The following JDP2 variants were observed in gnomAD, a reference collection of about 807,000 sequenced individuals.
The protein encoded by JDP2 is progesterone receptor co-activator.
A neutral mutation model predicts 17.1 loss-of-function variants in JDP2; 9 were observed. That is an observed-to-expected ratio of 0.53 (90% CI 0.32 to 0.92). JDP2 has a LOEUF of 0.92. Ranked by LOEUF, JDP2 falls within the 40% of genes least tolerant of loss-of-function variation. JDP2 has a pLI of 0.04. For missense variants in JDP2, 179 were observed against 220.0 expected (o/e 0.81, Z 1.18); for synonymous variants, 107 against 95.6 (o/e 1.12, Z -0.69).
intron 3 of JDP2, among the ~76,000 whole-genome samples, chr14:75,466,478 G>A (rs1233616531): frequency 6.6e-6 from 1 of 152,186 alleles, no homozygotes; most frequent in East Asian, 1.9e-4. Flanking sequence ...CTGACAGCCA[G>A]ACAGTCAGAA....
chr14:75,471,918 G>T lies in JDP2; in HGVS notation c.*2443G>T. On this transcript the variant is annotated 3_prime_UTR_variant, in exon 4 of 4. Transcript: ENST00000651602. Reference sequence around the variant, plus strand: ...ACCAGGGTCCCTCCAGTGACCTAGTGGATGTTCTTACAGGACTGCCGTGTG... The same window carrying T: ...ACCAGGGTCCCTCCAGTGACCTAGTTGATGTTCTTACAGGACTGCCGTGTG... 1 of 152,388 alleles carries T rather than the reference G, an allele frequency of 6.6e-6. No individual in the cohort carries two copies. 9.4% of individuals were successfully genotyped at this position (152,388 alleles called of 1,614,324 possible). A position where few individuals can be genotyped will look rare whatever the true frequency, so the allele number is the denominator to read the frequency against.
chr14:75,445,654 A>C (rs1451139355), intron 2 of JDP2: 1 of 897,524 alleles, frequency 1.1e-6, no homozygotes, highest in Non-Finnish European at 1.3e-6. Context: ...AGTACCATAT[A>C]CATATATTAT....
At chr14:75,458,490 G>C (rs1367160698) in intron 2 of JDP2, among the ~76,000 whole-genome samples, 1 of 152,124 alleles carries the variant, frequency 6.6e-6, no homozygotes, top group African/African-American at 2.4e-5. Context: ...TTCCCGCAAA[G>C]GACATGATCC....
rs537652139 is a variant in JDP2 at position 75,444,245 on chromosome 14, C to T, written c.201+6124C>T. Among the ~76,000 whole-genome samples, 9 of 152,348 alleles carry T rather than the reference C, an allele frequency of 5.9e-5. No homozygotes were observed. The South Asian group carries it at 1.9e-3, about 32-fold the overall frequency. ...AATGAACTAATGCTGCTAAAGGTTTCACATGATGCCTGGCACTTAGTAAGA... is the reference window on the plus strand; with the variant it reads ...AATGAACTAATGCTGCTAAAGGTTTTACATGATGCCTGGCACTTAGTAAGA... On this transcript the variant is annotated intron_variant, in intron 2 of 3. Transcript: ENST00000651602.
At chr14:75,462,331 A>G (rs1886378393) in intron 3 of JDP2, among the ~76,000 whole-genome samples, 1 of 152,186 alleles carries the variant, frequency 6.6e-6, no homozygotes, top group Non-Finnish European at 1.5e-5. Context: ...AATAATAATA[A>G]CGATAATGTA....
Position 75,458,132 on chromosome 14 carries a change from C to T in JDP2, c.202-3294C>T, listed in dbSNP as rs143547857. ...TGGTAGGATGCGATGGAGACTCCTA[C>T]AGTGCTGTAGCAGCACCAAAAAAGC... On this transcript the variant is annotated intron_variant, in intron 2 of 3. Coordinates refer to ENST00000651602, the MANE Select transcript of JDP2 (RefSeq NM_001135048.2). Among the ~76,000 whole-genome samples the T allele has an allele frequency of 4.5e-4, 68 of 152,300 alleles. No homozygotes were observed. In the East Asian group the frequency reaches 0.012, roughly 26 times the overall value.
intron 2 of JDP2, among the ~76,000 whole-genome samples, chr14:75,446,936 TAG>T: frequency 6.6e-6 from 1 of 152,178 alleles, no homozygotes; most frequent in Non-Finnish European, 1.5e-5. Context: ...GTTCCAGAAT[TAG>T]TAGCTAGGGT....
At chr14:75,444,838 A>G (rs567961923) in intron 2 of JDP2, among the ~76,000 whole-genome samples, 66 of 152,342 alleles carry the variant, frequency 4.3e-4, no homozygotes, top group Middle Eastern at 6.8e-3. Context: ...CAGGGAAGCA[A>G]GCAGACTTTC....
In JDP2 at chr14:75,430,249, C is replaced by T. The variant is rs60372002; in HGVS notation, c.-24+1997C>T. Among the ~76,000 whole-genome samples, 5 of 152,230 alleles carry T rather than the reference C, an allele frequency of 3.3e-5. No homozygotes were observed. In the South Asian group the frequency reaches 8.3e-4, roughly 25 times the overall value. ...TGGTGTTGCAATGGGCTGTCTCTCT[C>T]GAGTGTCTGTTTCCAGCTCCACTCT... On this transcript the variant is annotated intron_variant, in intron 1 of 3. Coordinates refer to ENST00000651602, the MANE Select transcript of JDP2 (RefSeq NM_001135048.2). The surrounding 1 kb of genome is among the most constrained non-coding windows in gnomAD (Gnocchi z 4.5).
chr14:75,461,581 G>A (rs1232199567), intron 3 of JDP2, 51 bp downstream of exon 3: 1 of 1,377,530 alleles, frequency 7.3e-7, no homozygotes, highest in South Asian at 1.2e-5. Context: ...GAGTGAGCTT[G>A]TGTACTCTGG....
In JDP2 at chr14:75,469,446, C is replaced by G; in HGVS notation, c.463C>G (p.Pro155Ala). 1 of 1,613,892 alleles carries G rather than the reference C, an allele frequency of 6.2e-7. No homozygotes were observed. The highest frequency in any genetic ancestry group is 8.5e-7 in the Non-Finnish European group (1 of 1,179,934). The change falls in exon 4 of 4, where the codon CCA (proline) becomes GCA (alanine). Residue 155 changes from proline (P) to alanine (A), a missense_variant. Coordinates refer to ENST00000651602, the MANE Select transcript of JDP2 (RefSeq NM_001135048.2). Reference sequence around the variant, plus strand: ...CAAGACCCCCGAGTCAGAAGGCAACCCACTGCTCGAGCAGCTCGAGAAGAA... The same window carrying G: ...CAAGACCCCCGAGTCAGAAGGCAACGCACTGCTCGAGCAGCTCGAGAAGAA... ...SVKTPESEGN[P>A]LLEQLEKK is the part of the protein sequence containing the mutation.
upstream of JDP2, chr14:75,427,983 AG>A: frequency 6.6e-6 from 1 of 150,426 alleles, no homozygotes; most frequent in Non-Finnish European, 1.5e-5. The surrounding 1 kb of genome is among the most constrained non-coding windows in gnomAD (Gnocchi z 4.4). Flanking sequence ...CCCGCCGCCC[AG>A]GGGCCGCTAT....
Position 75,461,631 on chromosome 14 carries a change from A to C in JDP2, c.306+101A>C, listed in dbSNP as rs547914508. 67 of 894,182 alleles carry C rather than the reference A, an allele frequency of 7.5e-5. No individual in the cohort carries two copies. The African/African-American group carries it at 9.7e-4, about 13-fold the overall frequency. 55.4% of individuals were successfully genotyped at this position (894,182 alleles called of 1,614,324 possible). A position where few individuals can be genotyped will look rare whatever the true frequency, so the allele number is the denominator to read the frequency against. On this transcript the variant is annotated intron_variant, in intron 3 of 3. Coordinates refer to ENST00000651602, the MANE Select transcript of JDP2 (RefSeq NM_001135048.2). Reference sequence around the variant, plus strand: ...TCAGATGTCTCTGTAGTCAATGAGCATCTGCTGGCAGCTGCCAAAGCAGCC... The same window carrying C: ...TCAGATGTCTCTGTAGTCAATGAGCCTCTGCTGGCAGCTGCCAAAGCAGCC...
chr14:75,444,457 G>A (rs112443733), intron 2 of JDP2, among the ~76,000 whole-genome samples: 3 of 152,334 alleles, frequency 2.0e-5, no homozygotes, highest in East Asian at 1.9e-4. Context: ...AACCAGAGGG[G>A]CTACTTCTGG....
chr14:75,461,874 A>G (rs555386995), intron 3 of JDP2, among the ~76,000 whole-genome samples: 5 of 152,290 alleles, frequency 3.3e-5, no homozygotes, highest in Admixed American at 6.5e-5. Flanking sequence ...GTGGCTACCA[A>G]AGTCGTCTAG....
intron 2 of JDP2, among the ~76,000 whole-genome samples, chr14:75,449,074 G>GACACC: frequency 6.6e-6 from 1 of 152,202 alleles, no homozygotes; most frequent in African/African-American, 2.4e-5. Context: ...TATTCTTGAT[G>GACACC]GGGAGGTTGC....
At chr14:75,446,133 T>C (rs1004994046) in intron 2 of JDP2, among the ~76,000 whole-genome samples, 3 of 152,094 alleles carry the variant, frequency 2.0e-5, no homozygotes, top group African/African-American at 7.2e-5. Flanking sequence ...AGGATGACTA[T>C]AGTGAAAAAA....
At chr14:75,455,246 C>G (rs1000554058) in intron 2 of JDP2, among the ~76,000 whole-genome samples, 1 of 152,136 alleles carries the variant, frequency 6.6e-6, no homozygotes, top group African/African-American at 2.4e-5. Context: ...GTGCTGTTGG[C>G]CAACCACACT....
chr14:75,453,757 A>T (rs1202825733), intron 2 of JDP2, among the ~76,000 whole-genome samples: 1 of 151,996 alleles, frequency 6.6e-6, no homozygotes, highest in Non-Finnish European at 1.5e-5. Flanking sequence ...AACCCCACCA[A>T]CCAAAGCTCA....
Sources: gnomAD v4.1 joint callset for allele counts (sites outside exome capture counted in the v4.1 genomes callset) on GRCh38, gnomAD v4.1.1 for gene constraint, Gnocchi (gnomAD v3.1) non-coding constraint, MANE v1.5 for transcripts, NCBI Gene and HGNC (gene_info 2026-07-23, HGNC 2026-07-21) for gene names.